The following HS3ST4 variants were observed in gnomAD, a reference collection of about 807,000 sequenced individuals.
HS3ST4 encodes the protein heparan sulfate glucosamine 3-O-sulfotransferase 4.
Under a neutral mutation model 29.2 loss-of-function variants are expected in HS3ST4, and 17 were observed. That is an observed-to-expected ratio of 0.58 (90% CI 0.40 to 0.87). The LOEUF (loss-of-function observed/expected upper bound fraction) is 0.87, where lower values mean the gene tolerates loss of function less well. Ranked by LOEUF, HS3ST4 falls within the 40% of genes least tolerant of loss-of-function variation. HS3ST4 has a pLI of 0.00. For missense variants in HS3ST4, 627 were observed against 634.5 expected, an observed-to-expected ratio of 0.99 and a Z score of 0.13; for synonymous variants, 314 against 285.7, an observed-to-expected ratio of 1.10 and a Z score of -1.00.
At chr16:25,706,882 A>C (rs947222310) in intron 1 of HS3ST4, among the ~76,000 whole-genome samples, 10 of 152,192 alleles carry the variant, frequency 6.6e-5, no homozygotes, top group Non-Finnish European at 1.3e-4. Context: ...TCACTTTCTG[A>C]GGTTTCAGTT....
At chr16:25,957,013 A>G (rs1968741425) in intron 1 of HS3ST4, among the ~76,000 whole-genome samples, 1 of 151,452 alleles carries the variant, frequency 6.6e-6, no homozygotes, top group African/African-American at 2.4e-5. Context: ...AAAAAAAAAA[A>G]AAAAGCATGG....
intron 1 of HS3ST4, among the ~76,000 whole-genome samples, chr16:25,749,280 G>A (rs986494995): frequency 6.6e-6 from 1 of 152,126 alleles, no homozygotes; most frequent in African/African-American, 2.4e-5. Flanking sequence ...AATTGCTTGA[G>A]CCCAGGAGTT....
At chr16:25,763,449 G>A (rs144817258) in intron 1 of HS3ST4, among the ~76,000 whole-genome samples, 22 of 152,242 alleles carry the variant, frequency 1.4e-4, no homozygotes, top group African/African-American at 4.1e-4. Context: ...CAGGTTAGAC[G>A]TTTTCCTGCC....
At chr16:25,976,648 A>C (rs897894288) in intron 1 of HS3ST4, among the ~76,000 whole-genome samples, 2 of 152,232 alleles carry the variant, frequency 1.3e-5, no homozygotes, top group African/African-American at 4.8e-5. Context: ...CAGCTGGGTA[A>C]ACTAGGCCAC....
chr16:25,692,597 A>G lies in HS3ST4; in HGVS notation c.180A>G (p.Gln60=), dbSNP rs1409356597. 14 of 1,401,602 alleles carry G rather than the reference A, an allele frequency of 1.0e-5. No individual in the cohort carries two copies. Among genetic ancestry groups the G allele is most frequent in the East Asian group, 3.3e-5 (1 of 30,670 alleles). The allele number at this position is 1,401,602 out of a possible 1,614,324, so 86.8% of individuals were successfully genotyped here. A position where few individuals can be genotyped will look rare whatever the true frequency, so the allele number is the denominator to read the frequency against. ...TCCTGGGCGGCTCGGGCTCCCTGCA[A>G]TTCCCTCTGGCGCTGCAGGAGTCGC... ...YSLLGGSGSL[Q]FPLALQESPG... Residue 60 remains glutamine, a synonymous_variant, in exon 1 of 2, where the codon CAA becomes CAG. Transcript: ENST00000331351.
intron 1 of HS3ST4, among the ~76,000 whole-genome samples, chr16:25,695,358 ATG>A (rs1966287470): frequency 6.6e-6 from 1 of 152,162 alleles, no homozygotes; most frequent in Non-Finnish European, 1.5e-5. Context: ...CTGCCAATAC[ATG>A]TCTGTCTAAC....
At chr16:26,036,997 C>T (rs1245456874) in intron 1 of HS3ST4, among the ~76,000 whole-genome samples, 1 of 152,198 alleles carries the variant, frequency 6.6e-6, no homozygotes. Flanking sequence ...AAGACTTTTC[C>T]TTCAACCCCT....
At chr16:26,102,479 GT>G (rs957694470) in intron 1 of HS3ST4, among the ~76,000 whole-genome samples, 3 of 151,956 alleles carry the variant, frequency 2.0e-5, no homozygotes, top group African/African-American at 7.3e-5. Context: ...TCCCTTCGTG[GT>G]GCCATTTTCT....
At chr16:25,718,750 T>G (rs979616531) in intron 1 of HS3ST4, among the ~76,000 whole-genome samples, 1 of 152,158 alleles carries the variant, frequency 6.6e-6, no homozygotes, top group Non-Finnish European at 1.5e-5. Flanking sequence ...GTGGGATGCA[T>G]GTACCTGAGC....
At chr16:26,105,504 C>T (rs972104043) in intron 1 of HS3ST4, among the ~76,000 whole-genome samples, 6 of 152,198 alleles carry the variant, frequency 3.9e-5, no homozygotes, top group Non-Finnish European at 7.3e-5. Context: ...AAATAAAAGT[C>T]GAAAACAAGC....
At chr16:26,051,271 T>C (rs367583862) in intron 1 of HS3ST4, among the ~76,000 whole-genome samples, 2 of 152,140 alleles carry the variant, frequency 1.3e-5, no homozygotes, top group East Asian at 3.9e-4. Context: ...ACTGTGCCTT[T>C]AATTACCCTG....
intron 1 of HS3ST4, among the ~76,000 whole-genome samples, chr16:25,934,642 C>T (rs1404380769): frequency 2.0e-5 from 3 of 152,116 alleles, no homozygotes; most frequent in Non-Finnish European, 4.4e-5. Flanking sequence ...TAGAGAAATG[C>T]AGGAGACAGC....
intron 1 of HS3ST4, among the ~76,000 whole-genome samples, chr16:25,900,638 C>T (rs114573899): frequency 2.6e-5 from 4 of 151,958 alleles, no homozygotes; most frequent in Non-Finnish European, 4.4e-5. Context: ...CCTTATTACC[C>T]GAGGAATGAT....
At chr16:25,880,833 T>A (rs755390602) in intron 1 of HS3ST4, among the ~76,000 whole-genome samples, 22 of 152,248 alleles carry the variant, frequency 1.4e-4, no homozygotes, top group Non-Finnish European at 2.9e-4. Flanking sequence ...GTCTTTTAAA[T>A]AAAGAGTATG....
intron 1 of HS3ST4, among the ~76,000 whole-genome samples, chr16:25,695,020 T>A (rs954110034): frequency 1.3e-5 from 2 of 152,180 alleles, no homozygotes; most frequent in African/African-American, 4.8e-5. Flanking sequence ...GATGCCAGAT[T>A]TTCCTAGATT....
At chr16:26,039,671 ATAG>A (rs1006079381) in intron 1 of HS3ST4, among the ~76,000 whole-genome samples, 78 of 152,246 alleles carry the variant, frequency 5.1e-4, no homozygotes, top group African/African-American at 1.9e-3. Context: ...ATTCTATAAA[ATAG>A]TAGGTCTTAT....
At chr16:26,036,277 A>G (rs1342266776) in intron 1 of HS3ST4, among the ~76,000 whole-genome samples, 1 of 152,202 alleles carries the variant, frequency 6.6e-6, no homozygotes, top group African/African-American at 2.4e-5. Flanking sequence ...CTATTCATGG[A>G]TTGGGGGAAG....
chr16:25,861,070 G>T (rs1041048865), intron 1 of HS3ST4, among the ~76,000 whole-genome samples: 2 of 152,162 alleles, frequency 1.3e-5, no homozygotes. Flanking sequence ...CAAATACACA[G>T]CAACAATCTT....
At chr16:26,088,420 G>GT (rs1365186189) in intron 1 of HS3ST4, among the ~76,000 whole-genome samples, 1 of 152,168 alleles carries the variant, frequency 6.6e-6, no homozygotes, top group African/African-American at 2.4e-5. Context: ...GGCTGCTGTG[G>GT]TTTTTTGTGT....
Sources: allele counts gnomAD v4.1 joint callset (sites outside exome capture counted in the v4.1 genomes callset), GRCh38; gene constraint gnomAD v4.1.1; transcripts MANE v1.5; gene names NCBI Gene and HGNC (gene_info 2026-07-23, HGNC 2026-07-21).